Variants in ASPH observed in about 807,000 individuals in gnomAD.
ASPH encodes aspartyl/asparaginyl beta-hydroxylase.
Under a neutral mutation model 118.4 loss-of-function variants are expected in ASPH, and 100 were observed. The observed-to-expected ratio is 0.84, with a 90% CI of 0.72 to 1.00. ASPH has a LOEUF of 1.00. ASPH is among the 50% of genes least tolerant of loss of function. The probability of loss-of-function intolerance (pLI) is 0.00; values close to 1 mark genes in which losing one functional copy is unlikely to be tolerated. For missense variants in ASPH, 920 were observed against 919.5 expected, an observed-to-expected ratio of 1.00 and a Z score of -0.01; for synonymous variants, 315 against 325.6, an observed-to-expected ratio of 0.97 and a Z score of 0.35.
In ASPH at chr8:61,647,732, G is replaced by A. The variant is rs569370723; in HGVS notation, c.491-854C>T. On this transcript the variant is annotated intron_variant, in intron 5 of 24. Coordinates refer to ENST00000379454, the MANE Select transcript of ASPH (RefSeq NM_004318.4). ...ATAAATAAAAATAAATTATATGCTAGGTCACAGGTTTACCTGAATCATACT... is the reference window on the plus strand; with the variant it reads ...ATAAATAAAAATAAATTATATGCTAAGTCACAGGTTTACCTGAATCATACT... 4.1e-3 allele frequency among the ~76,000 whole-genome samples: 620 copies of A among 152,104 alleles called. 6 individuals carry two copies. The highest frequency in any genetic ancestry group is 0.014 in the African/African-American group (570 of 41,506).
intron 14 of ASPH, among the ~76,000 whole-genome samples, chr8:61,598,294 C>T (rs1385032047): frequency 6.6e-6 from 1 of 151,626 alleles, no homozygotes; most frequent in Non-Finnish European, 1.5e-5. Context: ...GATATGCAGG[C>T]AAATAGAAAG....
intron 18 of ASPH, among the ~76,000 whole-genome samples, chr8:61,559,556 CTT>C (rs930557324): frequency 6.6e-5 from 10 of 152,174 alleles, no homozygotes; most frequent in African/African-American, 2.2e-4. Flanking sequence ...AGTACAAACT[CTT>C]TGCGTGATAC....
intron 14 of ASPH, among the ~76,000 whole-genome samples, chr8:61,611,537 G>C (rs1847372266): frequency 2.0e-5 from 3 of 152,200 alleles, no homozygotes; most frequent in Admixed American, 2.0e-4. Context: ...AGCAGCTTCT[G>C]ATGAAAGTAC....
chr8:61,679,639 CATTTT>C (rs887912938), intron 3 of ASPH, among the ~76,000 whole-genome samples: 32 of 151,880 alleles, frequency 2.1e-4, no homozygotes, highest in African/African-American at 6.5e-4. Flanking sequence ...ACTTGGCCCA[CATTTT>C]ATTTTATCTT....
chr8:61,563,530 A>G (rs1328486722), intron 17 of ASPH, among the ~76,000 whole-genome samples: 1 of 152,224 alleles, frequency 6.6e-6, no homozygotes, highest in Non-Finnish European at 1.5e-5. Context: ...GAGGACTAGC[A>G]TCAACGAAAA....
At chr8:61,643,180 T>C (rs1350166410) in intron 9 of ASPH, among the ~76,000 whole-genome samples, 3 of 152,208 alleles carry the variant, frequency 2.0e-5, no homozygotes, top group Non-Finnish European at 2.9e-5. Flanking sequence ...TCCTGTTTTG[T>C]TATGGAATGG....
intron 21 of ASPH, among the ~76,000 whole-genome samples, chr8:61,540,208 T>C (rs1254760403): frequency 6.6e-6 from 1 of 152,208 alleles, no homozygotes; most frequent in African/African-American, 2.4e-5. Flanking sequence ...ATTGTTTGGA[T>C]GTATGTCCCC....
intron 15 of ASPH, among the ~76,000 whole-genome samples, chr8:61,577,367 A>G (rs1835559548): frequency 6.7e-6 from 1 of 149,962 alleles, no homozygotes. Context: ...AATGACAAAA[A>G]AAAAAGAAAA....
At chr8:61,667,707 A>G (rs1264984266) in intron 3 of ASPH, among the ~76,000 whole-genome samples, 1 of 152,190 alleles carries the variant, frequency 6.6e-6, no homozygotes, top group East Asian at 1.9e-4. Flanking sequence ...AGTAAATTCT[A>G]TGTCAATGTA....
Position 61,576,878 on chromosome 8 carries a change from A to G in ASPH, c.1063-20T>C. The G allele has an allele frequency of 6.4e-7, 1 of 1,564,162 alleles. No individual in the cohort carries two copies. The highest frequency in any genetic ancestry group is 8.8e-7 in the Non-Finnish European group (1 of 1,142,746). On this transcript the variant is annotated intron_variant, in intron 15 of 24. Transcript: ENST00000379454. Reference sequence around the variant, plus strand: ...TTTTCCCTGTTAGAAAGACAAAATTACATAAATAAAATAAATTAAAATGAA... The same window carrying G: ...TTTTCCCTGTTAGAAAGACAAAATTGCATAAATAAAATAAATTAAAATGAA...
chr8:61,623,433 T>C (rs567642411), intron 13 of ASPH, among the ~76,000 whole-genome samples: 2 of 152,340 alleles, frequency 1.3e-5, no homozygotes, highest in South Asian at 4.1e-4. Flanking sequence ...TCCTTATATA[T>C]TCTCATTATT....
At chr8:61,601,002 G>T (rs62508861) in intron 14 of ASPH, among the ~76,000 whole-genome samples, 17,782 of 151,174 alleles carry the variant, frequency 0.12, 1,266 homozygotes, top group Non-Finnish European at 0.14. Flanking sequence ...TGATAAAGGG[G>T]ATTATTTCAT....
chr8:61,562,095 T>A (rs1172916916), intron 18 of ASPH, among the ~76,000 whole-genome samples: 1 of 152,160 alleles, frequency 6.6e-6, no homozygotes, highest in Non-Finnish European at 1.5e-5. Flanking sequence ...GCTAACTTTC[T>A]CCATCTTCAA....
chr8:61,546,682 T>A (rs1007312272), intron 21 of ASPH, among the ~76,000 whole-genome samples: 1 of 152,212 alleles, frequency 6.6e-6, no homozygotes, highest in Admixed American at 6.5e-5. Flanking sequence ...GCTTTTATAA[T>A]GACATACAGA....
intron 17 of ASPH, among the ~76,000 whole-genome samples, chr8:61,564,528 A>C (rs543186943): frequency 6.6e-6 from 1 of 152,002 alleles, no homozygotes; most frequent in Non-Finnish European, 1.5e-5. Flanking sequence ...GGAACTCCTG[A>C]CCTCAGGTGA....
intron 18 of ASPH, among the ~76,000 whole-genome samples, chr8:61,561,212 A>G (rs1829866237): frequency 6.6e-6 from 1 of 152,034 alleles, no homozygotes; most frequent in Non-Finnish European, 1.5e-5. Flanking sequence ...TATGTTTGTT[A>G]TAGCTTCACA....
chr8:61,698,204 A>G (rs1475138365), intron 1 of ASPH, among the ~76,000 whole-genome samples: 2 of 152,350 alleles, frequency 1.3e-5, no homozygotes, highest in South Asian at 2.1e-4. Context: ...AAGGTCAGGT[A>G]ATACTTATGG....
chr8:61,711,036 T>A (rs1837942457), intron 1 of ASPH, among the ~76,000 whole-genome samples: 1 of 152,124 alleles, frequency 6.6e-6, no homozygotes, highest in Non-Finnish European at 1.5e-5. Context: ...TAAGAGTTTT[T>A]AAGTGCTTAT....
At chr8:61,628,070 T>C (rs1196373369) in intron 13 of ASPH, among the ~76,000 whole-genome samples, 3 of 152,084 alleles carry the variant, frequency 2.0e-5, no homozygotes, top group Admixed American at 6.6e-5. Context: ...CTCTACCTCC[T>C]TGCTGGACTA....
Sources: allele counts gnomAD v4.1 joint callset (sites outside exome capture counted in the v4.1 genomes callset), GRCh38; gene constraint gnomAD v4.1.1; transcripts MANE v1.5; gene names NCBI Gene and HGNC (gene_info 2026-07-23, HGNC 2026-07-21).